The following MSI2 variants were observed in gnomAD, a reference collection of about 807,000 sequenced individuals.
MSI2 encodes the protein musashi RNA binding protein 2, also known as RNA-binding protein Musashi homolog 2.
MSI2 carries 17 observed loss-of-function variants against 45.6 expected under a neutral mutation model. The observed-to-expected ratio is 0.37, with a 90% CI of 0.26 to 0.56. The LOEUF is 0.56. Ranked by LOEUF, MSI2 falls within the 20% of genes least tolerant of loss-of-function variation. The pLI is 0.77. For missense variants in MSI2, 293 were observed against 444.2 expected (o/e 0.66, Z 3.06); for synonymous variants, 156 against 158.2 (o/e 0.99, Z 0.11).
chr17:57,566,296 C>T (rs1170189536), intron 7 of MSI2, among the ~76,000 whole-genome samples: 1 of 152,118 alleles, frequency 6.6e-6, no homozygotes, highest in African/African-American at 2.4e-5. Flanking sequence ...GGCACAGCCC[C>T]AGATATCTTG....
intron 13 of MSI2, among the ~76,000 whole-genome samples, chr17:57,678,721 CTCA>C (rs746446336): frequency 3.6e-4 from 55 of 152,336 alleles, no homozygotes; most frequent in African/African-American, 1.2e-3. Flanking sequence ...CCCATCCTCC[CTCA>C]TCTAAGTCTA....
intron 5 of MSI2, among the ~76,000 whole-genome samples, chr17:57,399,306 T>C (rs1202143685): frequency 6.6e-6 from 1 of 152,234 alleles, no homozygotes; most frequent in Non-Finnish European, 1.5e-5. Flanking sequence ...TTTAAACACA[T>C]GAGCAAGCCA....
chr17:57,446,795 A>T (rs574699599), intron 6 of MSI2, among the ~76,000 whole-genome samples: 36 of 152,360 alleles, frequency 2.4e-4, no homozygotes, highest in African/African-American at 7.9e-4. Flanking sequence ...AGAACTTTGC[A>T]GCAGAAGGAA....
intron 7 of MSI2, among the ~76,000 whole-genome samples, chr17:57,564,476 C>G (rs566003510): frequency 6.6e-6 from 1 of 152,158 alleles, no homozygotes; most frequent in African/African-American, 2.4e-5. Context: ...TGGAAACCAC[C>G]AGTAAGCACA....
chr17:57,505,366 C>G (rs2086204782), intron 6 of MSI2, among the ~76,000 whole-genome samples: 1 of 152,000 alleles, frequency 6.6e-6, no homozygotes, highest in Non-Finnish European at 1.5e-5. Context: ...GGGAGAGTTA[C>G]AGAGAGGGGG....
chr17:57,408,829 G>A (rs2084134158), intron 6 of MSI2, among the ~76,000 whole-genome samples: 1 of 152,166 alleles, frequency 6.6e-6, no homozygotes, highest in South Asian at 2.1e-4. Flanking sequence ...TTTAGACTTG[G>A]CATTGAAATC....
At chr17:57,512,205 G>A (rs188925270) in intron 6 of MSI2, among the ~76,000 whole-genome samples, 121 of 152,310 alleles carry the variant, frequency 7.9e-4, no homozygotes, top group African/African-American at 2.8e-3. Flanking sequence ...CTCAAGGACA[G>A]GAATCAAGTC....
At chr17:57,472,445 C>G (rs1238773263) in intron 6 of MSI2, among the ~76,000 whole-genome samples, 3 of 152,048 alleles carry the variant, frequency 2.0e-5, no homozygotes, top group Non-Finnish European at 2.9e-5. Flanking sequence ...GACAAAAAAC[C>G]TAGCCATAGT....
chr17:57,537,563 A>G (rs755783725), intron 7 of MSI2, among the ~76,000 whole-genome samples: 2 of 152,252 alleles, frequency 1.3e-5, no homozygotes, highest in Admixed American at 6.5e-5. Context: ...AGAGGAGGCC[A>G]TTAAGGATTC....
At chr17:57,290,760 T>G (rs1910334208) in intron 5 of MSI2, among the ~76,000 whole-genome samples, 1 of 152,202 alleles carries the variant, frequency 6.6e-6, no homozygotes, top group African/African-American at 2.4e-5. Flanking sequence ...CAGGACTCAG[T>G]GTTTAATATC....
intron 6 of MSI2, among the ~76,000 whole-genome samples, chr17:57,427,891 A>T (rs141805894): frequency 4.5e-4 from 69 of 151,918 alleles, no homozygotes; most frequent in African/African-American, 1.6e-3. Context: ...GCAGTGGGAC[A>T]ACTCTTTCCC....
At chr17:57,502,636 T>TATATATATATATATATATATATAGAGAG in intron 6 of MSI2, among the ~76,000 whole-genome samples, 5 of 96,904 alleles carry the variant, frequency 5.2e-5, no homozygotes, top group Admixed American at 1.3e-4. Flanking sequence ...TATATATATA[T>TATATATATATATATATATATATAGAGAG]AGTCATCATT....
At chr17:57,305,648 C>T (rs990021121) in intron 5 of MSI2, among the ~76,000 whole-genome samples, 3 of 152,154 alleles carry the variant, frequency 2.0e-5, no homozygotes, top group Admixed American at 6.5e-5. Flanking sequence ...ATGGAGCTCT[C>T]ACAACAACCC....
intron 11 of MSI2, among the ~76,000 whole-genome samples, chr17:57,666,088 G>A (rs1242433570): frequency 6.6e-6 from 1 of 152,240 alleles, no homozygotes; most frequent in Non-Finnish European, 1.5e-5. Context: ...CTACTCCAAG[G>A]CTGGAGAATC....
chr17:57,597,466 T>TAAAAAAAAAAAAAAAAAAAAAA, intron 8 of MSI2, among the ~76,000 whole-genome samples: 1 of 87,136 alleles, frequency 1.1e-5, no homozygotes, highest in Non-Finnish European at 2.1e-5. Flanking sequence ...CCTCATCTCT[T>TAAAAAAAAAAAAAAAAAAAAAA]AAAAAAAAAA....
rs1421290600 is a variant in MSI2, at chr17:57,257,686, A to G, written c.185+139A>G. 6.8e-6 allele frequency: 4 copies of G among 590,530 alleles called. No homozygotes were observed. In the East Asian group the frequency reaches 8.8e-5, roughly 13 times the overall value. 36.6% of individuals were successfully genotyped at this position (590,530 alleles called of 1,614,324 possible). ...CTGATCTCGAACGGCGCTCTATACCACCCCCACCGCCCCCTAGTAACCCCA... is the reference window on the plus strand; with the variant it reads ...CTGATCTCGAACGGCGCTCTATACCGCCCCCACCGCCCCCTAGTAACCCCA... On this transcript the variant is annotated intron_variant, in intron 3 of 13. Coordinates refer to ENST00000284073, the MANE Select transcript of MSI2 (RefSeq NM_138962.4).
At chr17:57,409,585 A>T (rs2084148800) in intron 6 of MSI2, among the ~76,000 whole-genome samples, 1 of 152,138 alleles carries the variant, frequency 6.6e-6, no homozygotes, top group Non-Finnish European at 1.5e-5. Context: ...AGCCTAGGTG[A>T]TGGGCCTTTC....
intron 7 of MSI2, among the ~76,000 whole-genome samples, chr17:57,546,342 G>A (rs549092913): frequency 6.6e-6 from 1 of 152,322 alleles, no homozygotes; most frequent in South Asian, 2.1e-4. Context: ...ATTGGTTGGA[G>A]GGTGGGTTTT....
At chr17:57,548,012 T>A (rs112525268) in intron 7 of MSI2, among the ~76,000 whole-genome samples, 1,989 of 152,274 alleles carry the variant, frequency 0.013, 39 homozygotes, top group African/African-American at 0.045. Flanking sequence ...TTGTGAATGA[T>A]GTTGCATTCA....
Sources: gnomAD v4.1 joint callset for allele counts (sites outside exome capture counted in the v4.1 genomes callset) on GRCh38, gnomAD v4.1.1 for gene constraint, MANE v1.5 for transcripts, NCBI Gene and HGNC (gene_info 2026-07-23, HGNC 2026-07-21) for gene names.